Variants in MAGI2 observed in about 807,000 individuals in gnomAD.
The protein encoded by MAGI2 is membrane associated guanylate kinase, WW and PDZ domain containing 2, also known as membrane-associated guanylate kinase, WW and PDZ domain-containing protein 2.
MAGI2 carries 35 observed loss-of-function variants against 133.3 expected under a neutral mutation model. The ratio of observed to expected loss-of-function variants is 0.26; its 90% CI spans 0.20 to 0.35. The LOEUF is 0.35. MAGI2 is among the 10% of genes least tolerant of loss of function. The pLI is 1.00. For synonymous variants in MAGI2, 729 were observed against 710.6 expected (o/e 1.03, Z -0.41); for missense variants, 1,636 against 1,863.4 (o/e 0.88, Z 2.25).
intron 2 of MAGI2, among the ~76,000 whole-genome samples, chr7:78,736,165 A>C (rs1200956357): frequency 3.3e-5 from 5 of 152,222 alleles, no homozygotes. Context: ...AAAGAATCAC[A>C]TATTCAGTTA....
At chr7:78,200,976 G>C (rs552921086) in intron 11 of MAGI2, among the ~76,000 whole-genome samples, 186 bp downstream of exon 11, 1 of 152,288 alleles carries the variant, frequency 6.6e-6, no homozygotes, top group African/African-American at 2.4e-5. Flanking sequence ...TTATAGGAAG[G>C]TAAGGTGAGT....
chr7:78,667,950 T>C (rs1813835664), intron 2 of MAGI2, among the ~76,000 whole-genome samples: 3 of 152,106 alleles, frequency 2.0e-5, no homozygotes, highest in Non-Finnish European at 2.9e-5. Context: ...GTTCTAGATC[T>C]CTGAGGAATC....
intron 2 of MAGI2, among the ~76,000 whole-genome samples, chr7:78,831,041 G>T (rs1482200057): frequency 1.3e-5 from 2 of 150,904 alleles, no homozygotes; most frequent in Non-Finnish European, 2.9e-5. Context: ...TATAACATTT[G>T]GTTGGAAGTA....
At chr7:79,166,754 T>C (rs1824958597) in intron 1 of MAGI2, among the ~76,000 whole-genome samples, 1 of 152,088 alleles carries the variant, frequency 6.6e-6, no homozygotes. Flanking sequence ...TGCATTTTAC[T>C]CGAGGGAATC....
intron 2 of MAGI2, among the ~76,000 whole-genome samples, chr7:78,757,686 A>ACT (rs1052855370): frequency 2.6e-5 from 4 of 151,134 alleles, no homozygotes; most frequent in African/African-American, 9.7e-5. Context: ...TGAGGACACC[A>ACT]CTCTCTCTCT....
rs371585628 is a variant in MAGI2, at chr7:79,073,142, A to C, written c.302-65936T>G. On this transcript the variant is annotated intron_variant, in intron 1 of 21. Transcript: ENST00000354212. Reference sequence around the variant, plus strand: ...TTATAAGCACCATGCATTTGTCTTCAAGAATTAAACCCTTGGGGCCAAGTC... The same window carrying C: ...TTATAAGCACCATGCATTTGTCTTCCAGAATTAAACCCTTGGGGCCAAGTC... Among the ~76,000 whole-genome samples the C allele has an allele frequency of 3.9e-4, 59 of 152,318 alleles. No homozygotes were observed. The South Asian group carries it at 0.012, about 31-fold the overall frequency.
chr7:78,359,207 A>G (rs1792505824), intron 7 of MAGI2: 1 of 152,206 alleles, frequency 6.6e-6, no homozygotes, highest in African/African-American at 2.4e-5. Flanking sequence ...AGGGACCTGG[A>G]ACATTAATTG....
At position 78,481,998 on chromosome 7, in the gene MAGI2, T is replaced by C. The variant is rs1442520307; in HGVS notation, c.1045+7763A>G. On this transcript the variant is annotated intron_variant, in intron 6 of 21. Coordinates refer to ENST00000354212, the MANE Select transcript of MAGI2 (RefSeq NM_012301.4). ...ACTGCAGACTTGGAGAAAATGTTCG[T>C]AAGCAACATATCTGTAAGGATATGT... Among the ~76,000 whole-genome samples, 3 of 151,864 alleles carry C rather than the reference T, an allele frequency of 2.0e-5. No homozygotes were observed. In the East Asian group the frequency reaches 5.8e-4, roughly 29 times the overall value.
At chr7:79,157,937 T>TGTGA (rs796329864) in intron 1 of MAGI2, among the ~76,000 whole-genome samples, 862 of 61,800 alleles carry the variant, frequency 0.014, 10 homozygotes, top group African/African-American at 0.025. Flanking sequence ...AGAATCTTTG[T>TGTGA]GTGAGTGTGT....
At chr7:79,431,763 ATAAC>A (rs1563217992) in intron 1 of MAGI2, among the ~76,000 whole-genome samples, 1 of 152,222 alleles carries the variant, frequency 6.6e-6, no homozygotes, top group Non-Finnish European at 1.5e-5. Context: ...TTTGGGTACT[ATAAC>A]TGTCTGTGTT....
chr7:78,568,696 A>T (rs1396492806), intron 3 of MAGI2, among the ~76,000 whole-genome samples: 4 of 152,018 alleles, frequency 2.6e-5, no homozygotes, highest in Admixed American at 2.6e-4. Context: ...CCCACTCCCT[A>T]GTCCAGTCTC....
At chr7:78,487,050 C>A in intron 6 of MAGI2, 1 of 483,554 alleles carries the variant, frequency 2.1e-6, no homozygotes, top group Non-Finnish European at 4.1e-6. Context: ...TACACTGAGG[C>A]AGGGCAGAGG....
chr7:78,855,461 G>C (rs760379895), intron 2 of MAGI2, among the ~76,000 whole-genome samples: 3 of 152,080 alleles, frequency 2.0e-5, no homozygotes, highest in Non-Finnish European at 4.4e-5. Context: ...GTATCCAAGT[G>C]TTCTCATTGC....
At chr7:78,725,096 T>A (rs1820638274) in intron 2 of MAGI2, among the ~76,000 whole-genome samples, 1 of 152,238 alleles carries the variant, frequency 6.6e-6, no homozygotes, top group Non-Finnish European at 1.5e-5. Context: ...GTTGCATTTT[T>A]AAGCCCTGCA....
intron 1 of MAGI2, among the ~76,000 whole-genome samples, chr7:79,255,403 T>C (rs1296824276): frequency 6.6e-6 from 1 of 152,088 alleles, no homozygotes; most frequent in African/African-American, 2.4e-5. Flanking sequence ...GTGTAAGGTA[T>C]TGTAAGGTAA....
At chr7:79,422,474 T>C (rs930295114) in intron 1 of MAGI2, among the ~76,000 whole-genome samples, 1 of 151,974 alleles carries the variant, frequency 6.6e-6, no homozygotes, top group South Asian at 2.1e-4. Context: ...TCAAACAATA[T>C]ATCAGAAAAA....
chr7:78,243,480 G>T (rs191359360), intron 10 of MAGI2, among the ~76,000 whole-genome samples: 1 of 152,034 alleles, frequency 6.6e-6, no homozygotes, highest in Non-Finnish European at 1.5e-5. Context: ...TTTAAAAATC[G>T]TGGTACAGTA....
intron 1 of MAGI2, among the ~76,000 whole-genome samples, chr7:79,121,113 C>T (rs1425806529): frequency 6.6e-6 from 1 of 152,064 alleles, no homozygotes; most frequent in Non-Finnish European, 1.5e-5. Context: ...GCAAAAAACA[C>T]AGGCTAATAA....
At chr7:79,037,592 TA>T (rs767257427) in intron 1 of MAGI2, among the ~76,000 whole-genome samples, 6 of 152,004 alleles carry the variant, frequency 3.9e-5, no homozygotes, top group Admixed American at 3.9e-4. Context: ...ATTGTTTTAT[TA>T]AAAAAAATCA....
Sources: allele counts gnomAD v4.1 joint callset (sites outside exome capture counted in the v4.1 genomes callset), GRCh38; gene constraint gnomAD v4.1.1; transcripts MANE v1.5; gene names NCBI Gene and HGNC (gene_info 2026-07-23, HGNC 2026-07-21).